CA1: variants seen among roughly 807,000 people sequenced by gnomAD.
CA1 encodes carbonic anhydrase 1, also known as carbonate dehydratase I.
CA1 carries 27 observed loss-of-function variants against 28.8 expected under a neutral mutation model. The observed-to-expected ratio is 0.94, with a 90% CI of 0.69 to 1.29. The LOEUF is 1.29. Ranked by LOEUF, CA1 falls within the 50% of genes most tolerant of loss-of-function variation. CA1 has a pLI of 0.00. For synonymous variants in CA1, 121 were observed against 108.8 expected (o/e 1.11, Z -0.70); for missense variants, 335 against 310.5 (o/e 1.08, Z -0.59).
intron 1 of CA1, among the ~76,000 whole-genome samples, chr8:85,363,029 T>TA (rs1175275642): frequency 6.6e-6 from 1 of 152,238 alleles, no homozygotes; most frequent in Non-Finnish European, 1.5e-5. Flanking sequence ...TTTTATTTTA[T>TA]AAGGGCTGTT....
chr8:85,366,438 T>G (rs1175563000), intron 1 of CA1, among the ~76,000 whole-genome samples: 1 of 152,160 alleles, frequency 6.6e-6, no homozygotes, highest in Non-Finnish European at 1.5e-5. Flanking sequence ...ATCATCTATG[T>G]GACCACTGTT....
chr8:85,328,470 AAATTT>A lies in CA1; in HGVS notation c.*85_*89del, dbSNP rs759674785. 112 of 790,720 alleles carry A rather than the reference AAATTT, an allele frequency of 1.4e-4. 1 individual carries two copies. Among genetic ancestry groups the A allele is most frequent in the Non-Finnish European group, 2.3e-4 (106 of 455,754 alleles). 49.0% of individuals were successfully genotyped at this position (790,720 alleles called of 1,614,324 possible). ...CATGCTGTCTTGCTAATATTGAAAT[AAATTT>A]ATTTCTTAAAAATTATTATTTTACT... On this transcript the variant is annotated 3_prime_UTR_variant, in exon 8 of 8. Transcript: ENST00000523022.
chr8:85,353,278 G>T (rs1809479124), intron 1 of CA1, among the ~76,000 whole-genome samples: 1 of 152,124 alleles, frequency 6.6e-6, no homozygotes, highest in African/African-American at 2.4e-5. Context: ...ATCACCCAGG[G>T]ATATTTTTAT....
chr8:85,330,323 A>G (rs1270048233), intron 6 of CA1, among the ~76,000 whole-genome samples: 1 of 152,120 alleles, frequency 6.6e-6, no homozygotes, highest in East Asian at 1.9e-4. Flanking sequence ...TGATATTTGT[A>G]TGCTAATCTT....
At chr8:85,333,693 G>T (rs1290017623) in intron 4 of CA1, 73 bp from the exon 5 acceptor site, 5 of 941,448 alleles carry the variant, frequency 5.3e-6, no homozygotes, top group African/African-American at 3.3e-5. Flanking sequence ...AAGTTAACTT[G>T]TTACCATATG....
intron 1 of CA1, among the ~76,000 whole-genome samples, chr8:85,376,658 A>AAAAT (rs200425469): frequency 0.16 from 22,201 of 139,954 alleles, 1,874 homozygotes; most frequent in African/African-American, 0.19. Context: ...AATTGTCTCA[A>AAAAT]AAATAAATAA....
intron 1 of CA1, among the ~76,000 whole-genome samples, chr8:85,343,634 A>G (rs1227661668): frequency 6.6e-6 from 1 of 152,128 alleles, no homozygotes; most frequent in Admixed American, 6.6e-5. Flanking sequence ...TTAATCAACA[A>G]ATTTGAAAAA....
chr8:85,365,997 G>C (rs572940321), intron 1 of CA1, among the ~76,000 whole-genome samples: 5 of 152,236 alleles, frequency 3.3e-5, no homozygotes, highest in African/African-American at 1.2e-4. Context: ...AAACCCAGTA[G>C]ATGTCTCTCA....
chr8:85,334,849 G>T (rs1193939696), intron 4 of CA1, among the ~76,000 whole-genome samples: 1 of 152,108 alleles, frequency 6.6e-6, no homozygotes, highest in Non-Finnish European at 1.5e-5. Context: ...AATTAGCCGG[G>T]TGTGGTGGCA....
chr8:85,336,817 A>T (rs1025106798), intron 4 of CA1, 128 bp downstream of exon 4: 1 of 742,894 alleles, frequency 1.3e-6, no homozygotes, highest in Non-Finnish European at 2.5e-6. Flanking sequence ...TTTAATGGAA[A>T]CTGGGAGTTC....
intron 1 of CA1, among the ~76,000 whole-genome samples, chr8:85,355,334 G>T (rs1017279707): frequency 6.6e-6 from 1 of 152,236 alleles, no homozygotes; most frequent in African/African-American, 2.4e-5. Flanking sequence ...TACAAAGAAA[G>T]AAACTTTAAA....
intron 4 of CA1, among the ~76,000 whole-genome samples, chr8:85,334,051 C>T (rs367747551): frequency 5.3e-5 from 8 of 152,202 alleles, no homozygotes; most frequent in Non-Finnish European, 8.8e-5. Flanking sequence ...CAGGCACGTT[C>T]GTGCCCTTTC....
At position 85,348,080 on chromosome 8, in the gene CA1, T is replaced by G. The variant is rs182811483; in HGVS notation, c.-24-6421A>C. Among the ~76,000 whole-genome samples the G allele has an allele frequency of 2.0e-4, 31 of 152,316 alleles. No homozygotes were observed. In the East Asian group the frequency reaches 5.8e-3, roughly 28 times the overall value. ...CTTTTACAAACATTTTTAAAAATCCTAAATGCTATTTTCTTGACATGCTTT... is the reference window on the plus strand; with the variant it reads ...CTTTTACAAACATTTTTAAAAATCCGAAATGCTATTTTCTTGACATGCTTT... On this transcript the variant is annotated intron_variant, in intron 1 of 7. Transcript: ENST00000523022.
intron 1 of CA1, among the ~76,000 whole-genome samples, chr8:85,345,158 C>T (rs1050241166): frequency 6.6e-6 from 1 of 152,160 alleles, no homozygotes; most frequent in African/African-American, 2.4e-5. Flanking sequence ...TTCTCATCAC[C>T]TGTAACAAAG....
chr8:85,362,584 C>T (rs1809840185), intron 1 of CA1, among the ~76,000 whole-genome samples: 2 of 152,060 alleles, frequency 1.3e-5, no homozygotes. Context: ...AAATTAGCTT[C>T]ACTGAGAGCT....
intron 1 of CA1, among the ~76,000 whole-genome samples, chr8:85,371,305 C>T (rs1258747670): frequency 6.6e-6 from 1 of 152,052 alleles, no homozygotes; most frequent in African/African-American, 2.4e-5. Context: ...ATTCTGGCGC[C>T]CTAGGCTTTC....
Position 85,341,640 on chromosome 8 carries a change from T to A in CA1, c.-5A>T, listed in dbSNP as rs776667454. 1.3e-5 allele frequency: 21 copies of A among 1,590,430 alleles called. No individual in the cohort carries two copies. The highest frequency in any genetic ancestry group is 1.8e-5 in the Non-Finnish European group (21 of 1,158,750). On this transcript the variant is annotated 5_prime_UTR_variant, in exon 2 of 8. The change creates a new upstream start codon in the 5' untranslated region. Coordinates refer to ENST00000523022, the MANE Select transcript of CA1 (RefSeq NM_001128831.4). Reference sequence around the variant, plus strand: ...TCCCCAGTCTGGACTTGCCATTATCTTCTACTGAGTTTTCTTTTTCTGAAA... The same window carrying A: ...TCCCCAGTCTGGACTTGCCATTATCATCTACTGAGTTTTCTTTTTCTGAAA...
intron 6 of CA1, 61 bp from the exon 7 acceptor site, chr8:85,329,905 C>T (rs1808332988): frequency 3.2e-6 from 4 of 1,232,038 alleles, no homozygotes; most frequent in South Asian, 1.3e-5. Flanking sequence ...ATATATGTGA[C>T]ATATATATGC....
intron 1 of CA1, among the ~76,000 whole-genome samples, chr8:85,344,178 TAATA>T (rs1456191764): frequency 8.4e-6 from 1 of 119,008 alleles, no homozygotes; most frequent in Non-Finnish European, 1.6e-5. Flanking sequence ...ATACTGTATA[TAATA>T]TATAATTATA....
Sources: gnomAD v4.1 joint callset for allele counts (sites outside exome capture counted in the v4.1 genomes callset) on GRCh38, gnomAD v4.1.1 for gene constraint, MANE v1.5 for transcripts, NCBI Gene and HGNC (gene_info 2026-07-23, HGNC 2026-07-21) for gene names.